Variants in ACSM3 observed in about 807,000 individuals in gnomAD.
The protein encoded by ACSM3 is acyl-CoA synthetase medium chain family member 3, also known as acyl-coenzyme A synthetase ACSM3, mitochondrial.
ACSM3 carries 61 observed loss-of-function variants against 74.1 expected under a neutral mutation model. The observed-to-expected ratio is 0.82, with a 90% CI of 0.67 to 1.02. The LOEUF is 1.02. Among genes scored for constraint, ACSM3 ranks in the 50% least tolerant of loss-of-function variants. The pLI is 0.00. For synonymous variants in ACSM3, 213 were observed against 241.5 expected, an observed-to-expected ratio of 0.88 and a Z score of 1.09; for missense variants, 660 against 697.0, an observed-to-expected ratio of 0.95 and a Z score of 0.60.
chr16:20,792,977 C>T (rs938767118), intron 12 of ACSM3, among the ~76,000 whole-genome samples: 1 of 152,194 alleles, frequency 6.6e-6, no homozygotes, highest in African/African-American at 2.4e-5. Context: ...TACAAGTTCT[C>T]ACAAGTATTT....
intron 1 of ACSM3, among the ~76,000 whole-genome samples, chr16:20,688,900 A>T (rs1448027629): frequency 1.3e-5 from 2 of 150,940 alleles, no homozygotes; most frequent in Non-Finnish European, 3.0e-5. Flanking sequence ...TTGTAACTCC[A>T]CTTGTTATTT....
chr16:20,767,110 CAGAG>C (rs1161905762), intron 1 of ACSM3, among the ~76,000 whole-genome samples: 2 of 151,830 alleles, frequency 1.3e-5, no homozygotes, highest in Admixed American at 6.6e-5. Context: ...AAATTAAAAA[CAGAG>C]AGAGACAAGT....
At chr16:20,678,090 C>T (rs1240550264) in intron 1 of ACSM3, among the ~76,000 whole-genome samples, 1 of 152,026 alleles carries the variant, frequency 6.6e-6, no homozygotes, top group Non-Finnish European at 1.5e-5. Context: ...AAAGAAGAAG[C>T]CTTAGCTATG....
At chr16:20,768,937 C>G (rs1376825554) in intron 1 of ACSM3, among the ~76,000 whole-genome samples, 2 of 152,176 alleles carry the variant, frequency 1.3e-5, no homozygotes, top group Non-Finnish European at 2.9e-5. Flanking sequence ...TTTCCTGATG[C>G]ATCGGTTATA....
At chr16:20,704,080 T>G (rs549142508) in intron 1 of ACSM3, among the ~76,000 whole-genome samples, 3 of 152,298 alleles carry the variant, frequency 2.0e-5, no homozygotes, top group East Asian at 1.9e-4. Flanking sequence ...TTAGTAAAAT[T>G]TATAAGCATA....
Position 20,790,798 on chromosome 16 carries a change from G to A in ACSM3, c.1326+110G>A. 6.2e-7 allele frequency: 1 copy of A among 1,613,388 alleles called. No homozygotes were observed. The highest frequency in any genetic ancestry group is 8.5e-7 in the Non-Finnish European group (1 of 1,179,610). On this transcript the variant is annotated intron_variant, in intron 10 of 13. Transcript: ENST00000289416. The surrounding 1 kb of genome is among the most constrained non-coding windows in gnomAD (Gnocchi z 4.0). Reference sequence around the variant, plus strand: ...GGATAGGTACTTGACCCTTTCTTGAGAGATTGGTTGTCCTGAATAGTAATC... The same window carrying A: ...GGATAGGTACTTGACCCTTTCTTGAAAGATTGGTTGTCCTGAATAGTAATC...
upstream of ACSM3, among the ~76,000 whole-genome samples, chr16:20,762,084 T>C (rs74543919): frequency 0.05 from 7,554 of 152,252 alleles, 415 homozygotes; most frequent in African/African-American, 0.13. Context: ...CTTGCCCCTC[T>C]TCCTTTGGTT....
At chr16:20,717,963 GAAGAAGAAGAAGAAGAAGAAGAAGAA>G (rs1567323231) in intron 1 of ACSM3, among the ~76,000 whole-genome samples, 1,205 of 93,678 alleles carry the variant, frequency 0.013, 24 homozygotes, top group South Asian at 0.028. Flanking sequence ...AGAGGAAGAA[GAAGAAGAAGAAGAAGAAGAAGAAGAA>G]GAAGAAGAAG....
chr16:20,772,824 G>A (rs35311242), intron 2 of ACSM3, among the ~76,000 whole-genome samples: 14,182 of 151,888 alleles, frequency 0.093, 724 homozygotes, highest in East Asian at 0.21. Flanking sequence ...AAAATTAGCC[G>A]GGCATGGTGG....
At chr16:20,785,252 C>T in intron 8 of ACSM3, 145 bp downstream of exon 8, 1 of 1,129,644 alleles carries the variant, frequency 8.9e-7, no homozygotes, top group South Asian at 1.5e-5. Flanking sequence ...CTTGCAAGAA[C>T]CTAATTGCAA....
At chr16:20,706,976 G>A (rs1330533489) in intron 1 of ACSM3, among the ~76,000 whole-genome samples, 1 of 152,068 alleles carries the variant, frequency 6.6e-6, no homozygotes, top group Non-Finnish European at 1.5e-5. Flanking sequence ...GAGCAATTTT[G>A]CCTGTACATG....
Position 20,776,000 on chromosome 16 carries a change from G to T in ACSM3, c.381G>T (p.Leu127=). 6.2e-7 allele frequency: 1 copy of T among 1,614,164 alleles called. No homozygotes were observed. Among genetic ancestry groups the T allele is most frequent in the South Asian group, 1.1e-5 (1 of 91,082 alleles). ...LQRGDRVILI[L]PRVPEWWLAN... is the part of the protein sequence containing the mutation. ...GAGGAGATCGGGTAATTCTGATTCT[G>T]CCCAGGGTCCCAGAGTGGTGGCTTG... The change falls in exon 3 of 14, where the codon CTG becomes CTT. Residue 127 remains leucine (L), a synonymous_variant. Transcript: ENST00000289416.
intron 1 of ACSM3, chr16:20,697,516 C>T (rs1381289576): frequency 6.6e-6 from 1 of 151,710 alleles, no homozygotes; most frequent in Non-Finnish European, 1.5e-5. Context: ...CCCAAGGTCA[C>T]TCAACTTAAA....
At chr16:20,788,906 C>T (rs928437511) in intron 9 of ACSM3, among the ~76,000 whole-genome samples, 3 of 152,156 alleles carry the variant, frequency 2.0e-5, no homozygotes, top group Admixed American at 1.3e-4. Flanking sequence ...GAAGTTTTTA[C>T]GCTTAGAATT....
intron 1 of ACSM3, among the ~76,000 whole-genome samples, chr16:20,724,581 A>G (rs550845477): frequency 6.6e-6 from 1 of 152,240 alleles, no homozygotes; most frequent in Non-Finnish European, 1.5e-5. Flanking sequence ...GAAAAGAAGA[A>G]GTCAAATTGT....
chr16:20,789,820 C>T (rs1401833563), intron 9 of ACSM3, among the ~76,000 whole-genome samples: 1 of 151,378 alleles, frequency 6.6e-6, no homozygotes, highest in Non-Finnish European at 1.5e-5. Context: ...ATTACAGGTG[C>T]CCACCACCAT....
intron 1 of ACSM3, among the ~76,000 whole-genome samples, chr16:20,702,621 T>C (rs1414020076): frequency 6.6e-6 from 1 of 152,260 alleles, no homozygotes; most frequent in African/African-American, 2.4e-5. Flanking sequence ...TATTGAGAAC[T>C]ATCTGTTCAT....
intron 2 of ACSM3, among the ~76,000 whole-genome samples, chr16:20,755,040 C>T (rs1425003473): frequency 2.0e-5 from 3 of 151,978 alleles, no homozygotes; most frequent in African/African-American, 4.8e-5. Flanking sequence ...GAGACCATGT[C>T]GGGAGCTGGA....
chr16:20,770,795 A>C (rs547432083), intron 2 of ACSM3, among the ~76,000 whole-genome samples: 114 of 152,238 alleles, frequency 7.5e-4, no homozygotes, highest in African/African-American at 2.5e-3. Context: ...GGGTACAAAG[A>C]TATTTTTGAT....
Sources: allele counts gnomAD v4.1 joint callset (sites outside exome capture counted in the v4.1 genomes callset), GRCh38; gene constraint gnomAD v4.1.1; non-coding constraint Gnocchi (gnomAD v3.1); transcripts MANE v1.5; gene names NCBI Gene and HGNC (gene_info 2026-07-23, HGNC 2026-07-21).